The following PLXNA2 variants were observed in gnomAD, a reference collection of about 807,000 sequenced individuals.
PLXNA2 encodes plexin-A2.
Under a neutral mutation model 193.5 loss-of-function variants are expected in PLXNA2, and 91 were observed. That is an observed-to-expected ratio of 0.47 (90% CI 0.40 to 0.56). The LOEUF is 0.56. Among genes scored for constraint, PLXNA2 ranks in the 20% least tolerant of loss-of-function variants. The pLI, the probability that PLXNA2 is intolerant of heterozygous loss-of-function variation, is 0.00. For synonymous variants in PLXNA2, 997 were observed against 1,027.3 expected, an observed-to-expected ratio of 0.97 and a Z score of 0.56; for missense variants, 1,995 against 2,503.2, an observed-to-expected ratio of 0.80 and a Z score of 4.33.
At chr1:208,098,562 TGTTATTTG>T (rs1359326942) in intron 6 of PLXNA2, among the ~76,000 whole-genome samples, 2 of 152,064 alleles carry the variant, frequency 1.3e-5, no homozygotes, top group Admixed American at 6.5e-5. Context: ...CTAAAGAATG[TGTTATTTG>T]GTATTGGACT....
At chr1:208,051,511 G>A in intron 15 of PLXNA2, 88 bp from the exon 16 acceptor site, 1 of 1,020,560 alleles carries the variant, frequency 9.8e-7, no homozygotes, top group Non-Finnish European at 1.5e-6. Flanking sequence ...TCCTTGGTCT[G>A]CGGGTAAGGC....
chr1:208,095,641 C>T (rs996874974), intron 8 of PLXNA2, among the ~76,000 whole-genome samples: 5 of 152,162 alleles, frequency 3.3e-5, no homozygotes, highest in Admixed American at 2.0e-4. Context: ...CGGAGTCCCT[C>T]TTCATCTGGT....
chr1:208,104,578 G>T (rs1034293032), intron 4 of PLXNA2, among the ~76,000 whole-genome samples: 2 of 152,172 alleles, frequency 1.3e-5, no homozygotes, highest in South Asian at 2.1e-4. Flanking sequence ...CAGATGCAGA[G>T]ACCTGGAAAG....
chr1:208,062,390 A>T (rs1665646963), intron 12 of PLXNA2, among the ~76,000 whole-genome samples: 2 of 152,204 alleles, frequency 1.3e-5, no homozygotes, highest in Admixed American at 1.3e-4. Flanking sequence ...ACCAACCACC[A>T]AGTGATAGTG....
At chr1:208,065,392 A>G (rs1395776575) in intron 12 of PLXNA2, among the ~76,000 whole-genome samples, 4 of 152,228 alleles carry the variant, frequency 2.6e-5, no homozygotes, top group African/African-American at 9.6e-5. Flanking sequence ...GTGACCTTGA[A>G]TCTCAATATC....
Position 208,075,612 on chromosome 1 carries a change from A to G in PLXNA2, c.2586+3648T>C, listed in dbSNP as rs567716767. ...CCTATTTCTCATCATACTTTCATCT[A>G]CTAATTTTAGTGTTCATTGACCATT... On this transcript the variant is annotated intron_variant, in intron 12 of 31. Transcript: ENST00000367033. Among the ~76,000 whole-genome samples the G allele has an allele frequency of 1.8e-4, 27 of 152,266 alleles. No homozygotes were observed. The South Asian group carries it at 3.5e-3, about 20-fold the overall frequency.
intron 12 of PLXNA2, among the ~76,000 whole-genome samples, chr1:208,063,297 C>A (rs1334282169): frequency 6.6e-6 from 1 of 152,236 alleles, no homozygotes; most frequent in Non-Finnish European, 1.5e-5. Flanking sequence ...CACGGGGTAG[C>A]TTCCTCCTGC....
At position 208,122,284 on chromosome 1, in the gene PLXNA2, A is replaced by C. The variant is rs138102242; in HGVS notation, c.1507-19037T>G. Among the ~76,000 whole-genome samples the C allele has an allele frequency of 3.3e-3, 496 of 152,316 alleles. 5 individuals are homozygous for C. Among genetic ancestry groups the C allele is most frequent in the African/African-American group, 0.011 (468 of 41,564 alleles). Reference sequence around the variant, plus strand: ...TATTATAATTCATCAATAAATAACCAGGCCCAGCCTCATATTTAAGGTTCT... The same window carrying C: ...TATTATAATTCATCAATAAATAACCCGGCCCAGCCTCATATTTAAGGTTCT... On this transcript the variant is annotated intron_variant, in intron 4 of 31. Coordinates refer to ENST00000367033, the MANE Select transcript of PLXNA2 (RefSeq NM_025179.4).
At position 208,031,772 on chromosome 1, in the gene PLXNA2, TG is replaced by T. The variant is rs763865921; in HGVS notation, c.5056-14del. On this transcript the variant is annotated splice_polypyrimidine_tract_variant and intron_variant, in intron 28 of 31. Coordinates refer to ENST00000367033, the MANE Select transcript of PLXNA2 (RefSeq NM_025179.4). Reference sequence around the variant, plus strand: ...TCTGCAGGGTGCCCTGGAGGAGGGGTGGGGGAGAGTAAGATGGAGGGGGGTG... The same window carrying T: ...TCTGCAGGGTGCCCTGGAGGAGGGGTGGGGAGAGTAAGATGGAGGGGGGTG... The T allele has an allele frequency of 5.1e-6, 8 of 1,555,934 alleles. No individual in the cohort carries two copies. The highest frequency in any genetic ancestry group is 1.7e-4 in the Middle Eastern group (1 of 5,864).
intron 4 of PLXNA2, among the ~76,000 whole-genome samples, chr1:208,106,827 C>G (rs1371389424): frequency 2.6e-5 from 4 of 152,148 alleles, no homozygotes; most frequent in African/African-American, 9.7e-5. Context: ...GACAGTGCTG[C>G]CCTAAACGGA....
At chr1:208,114,020 G>A (rs576392344) in intron 4 of PLXNA2, among the ~76,000 whole-genome samples, 1 of 152,312 alleles carries the variant, frequency 6.6e-6, no homozygotes, top group East Asian at 1.9e-4. Flanking sequence ...GCCACCTTTA[G>A]TGTTGTCTGA....
At chr1:208,050,802 C>A (rs1246853385) in intron 17 of PLXNA2, among the ~76,000 whole-genome samples, 1 of 151,830 alleles carries the variant, frequency 6.6e-6, no homozygotes, top group Non-Finnish European at 1.5e-5. Flanking sequence ...GCACTCCAGC[C>A]TAGGTGACAG....
Position 208,051,490 on chromosome 1 carries a change from A to T in PLXNA2, c.2994-67T>A. 3 of 1,359,632 alleles carry T rather than the reference A, an allele frequency of 2.2e-6. No homozygotes were observed. The South Asian group carries it at 3.9e-5, about 18-fold the overall frequency. The allele number at this position is 1,359,632 out of a possible 1,614,324, so 84.2% of individuals were successfully genotyped here. On this transcript the variant is annotated intron_variant, in intron 15 of 31. Transcript: ENST00000367033. ...GCAACAAGAGGTGCCCACTGGCTTG[A>T]CAAGGGGCTTTCCTTGGTCTGCGGG...
intron 3 of PLXNA2, among the ~76,000 whole-genome samples, chr1:208,202,988 G>A (rs1019822244): frequency 2.6e-5 from 4 of 152,202 alleles, no homozygotes; most frequent in African/African-American, 9.6e-5. Flanking sequence ...TGGGAGATCA[G>A]GACCTCCTTC....
At chr1:208,113,015 A>C (rs77861062) in intron 4 of PLXNA2, among the ~76,000 whole-genome samples, 4,527 of 151,454 alleles carry the variant, frequency 0.03, 90 homozygotes, top group South Asian at 0.036. Context: ...CAAAAAAAAA[A>C]AAAAAAAAAC....
At chr1:208,216,714 G>A (rs1453064931) in intron 2 of PLXNA2, 21 bp downstream of exon 2, 7 of 1,598,510 alleles carry the variant, frequency 4.4e-6, no homozygotes, top group Non-Finnish European at 6.0e-6. Flanking sequence ...CAGGAGCAGA[G>A]CGAGGTGTGT....
chr1:208,074,924 A>G (rs1666099343), intron 12 of PLXNA2, among the ~76,000 whole-genome samples: 1 of 152,202 alleles, frequency 6.6e-6, no homozygotes, highest in South Asian at 2.1e-4. Flanking sequence ...GTCTGCATCA[A>G]AGGGTATGGG....
chr1:208,202,042 A>C (rs1272862735), intron 3 of PLXNA2, among the ~76,000 whole-genome samples: 1 of 151,000 alleles, frequency 6.6e-6, no homozygotes, highest in East Asian at 1.9e-4. Context: ...GCAGTGGTGC[A>C]ATCTCAGCTC....
intron 22 of PLXNA2, among the ~76,000 whole-genome samples, chr1:208,041,595 C>T (rs1664871531): frequency 6.6e-6 from 1 of 152,190 alleles, no homozygotes; most frequent in Admixed American, 6.5e-5. Context: ...AATGTGGCAA[C>T]CAAGCACTTA....
Sources: gnomAD v4.1 joint callset for allele counts (sites outside exome capture counted in the v4.1 genomes callset) on GRCh38, gnomAD v4.1.1 for gene constraint, MANE v1.5 for transcripts, NCBI Gene and HGNC (gene_info 2026-07-23, HGNC 2026-07-21) for gene names.